ACTL8: variants seen among roughly 807,000 people sequenced by gnomAD.
ACTL8 encodes actin like 8.
In ACTL8, 3 loss-of-function variants were observed where a neutral mutation model predicts 9.3. The observed-to-expected ratio is 0.32, with a 90% CI of 0.15 to 0.83. The LOEUF is 0.83. Among genes scored for constraint, ACTL8 ranks in the 40% least tolerant of loss-of-function variants. The pLI, the probability that ACTL8 is intolerant of heterozygous loss-of-function variation, is 0.57. For synonymous variants in ACTL8, 224 were observed against 205.9 expected (o/e 1.09, Z -0.75); for missense variants, 381 against 492.2 (o/e 0.77, Z 2.14).
At chr1:17,761,354 T>C (rs1337186588) in intron 1 of ACTL8, among the ~76,000 whole-genome samples, 1 of 152,054 alleles carries the variant, frequency 6.6e-6, no homozygotes, top group African/African-American at 2.4e-5. Flanking sequence ...AATGCATGTT[T>C]CTGCTTTACC....
chr1:17,798,775 T>C (rs911603417), intron 1 of ACTL8, among the ~76,000 whole-genome samples: 9 of 152,350 alleles, frequency 5.9e-5, no homozygotes, highest in South Asian at 2.1e-4. Flanking sequence ...AAGTCTTTCC[T>C]TCTCCATTCC....
At chr1:17,776,206 A>G (rs2066117146) in intron 1 of ACTL8, among the ~76,000 whole-genome samples, 1 of 152,200 alleles carries the variant, frequency 6.6e-6, no homozygotes, top group Non-Finnish European at 1.5e-5. Context: ...CGAAGGTCCT[A>G]GGCAGGATGG....
chr1:17,756,643 T>C (rs147970109), intron 1 of ACTL8, among the ~76,000 whole-genome samples: 1 of 152,234 alleles, frequency 6.6e-6, no homozygotes, highest in African/African-American at 2.4e-5. Context: ...ACAGAATTGG[T>C]GTCAGGAATA....
At position 17,823,228 on chromosome 1, in the gene ACTL8, A is replaced by G; in HGVS notation, c.220A>G (p.Asn74Asp). 6.2e-7 allele frequency: 1 copy of G among 1,614,084 alleles called. No individual in the cohort carries two copies. Among genetic ancestry groups the G allele is most frequent in the Non-Finnish European group, 8.5e-7 (1 of 1,180,024 alleles). The change falls in exon 2 of 3, where the codon AAC becomes GAC. Residue 74 changes from asparagine (N) to aspartate (D), a missense_variant. Coordinates refer to ENST00000375406, the MANE Select transcript of ACTL8 (RefSeq NM_030812.3). The surrounding 1 kb of genome is among the most constrained non-coding windows in gnomAD (Gnocchi z 5.3). ...SYPIERGRIL[N>D]WEGVQYLWSF... ...CCCCATCGAGCGGGGCCGCATCCTC[A>G]ACTGGGAGGGTGTGCAGTACCTCTG...
chr1:17,789,044 C>G (rs965814855), intron 1 of ACTL8, among the ~76,000 whole-genome samples: 1 of 152,180 alleles, frequency 6.6e-6, no homozygotes, highest in Admixed American at 6.5e-5. Context: ...TTTATGTTCT[C>G]ATTTCTTCCT....
intron 1 of ACTL8, among the ~76,000 whole-genome samples, chr1:17,811,682 A>G (rs480231): frequency 0.49 from 74,495 of 152,022 alleles, 18,801 homozygotes; most frequent in East Asian, 0.75. Context: ...TACACGGAGA[A>G]GTCCAGTTTT....
intron 1 of ACTL8, among the ~76,000 whole-genome samples, chr1:17,783,609 T>C (rs76104530): frequency 0.028 from 4,216 of 152,322 alleles, 157 homozygotes; most frequent in African/African-American, 0.084. Flanking sequence ...GGCCTCCTTG[T>C]GTGTCCCTGA....
chr1:17,820,581 T>C (rs918876082), intron 1 of ACTL8, among the ~76,000 whole-genome samples: 2 of 151,692 alleles, frequency 1.3e-5, no homozygotes, highest in African/African-American at 4.9e-5. Context: ...TTTTTTTTTT[T>C]TTTGAGATGG....
At chr1:17,783,346 TG>T (rs1195709335) in intron 1 of ACTL8, among the ~76,000 whole-genome samples, 32 of 133,524 alleles carry the variant, frequency 2.4e-4, no homozygotes, top group African/African-American at 7.7e-4. Context: ...TTTTTTTTTT[TG>T]TTTTGTTTTT....
chr1:17,790,688 G>T (rs2066232349), intron 1 of ACTL8, among the ~76,000 whole-genome samples: 1 of 152,224 alleles, frequency 6.6e-6, no homozygotes, highest in Admixed American at 6.5e-5. Flanking sequence ...TGAAGGTGGG[G>T]CCTCACCAGG....
intron 1 of ACTL8, among the ~76,000 whole-genome samples, chr1:17,804,912 G>A (rs2066347925): frequency 6.6e-6 from 1 of 152,064 alleles, no homozygotes; most frequent in South Asian, 2.1e-4. Context: ...ACTGTGCCCG[G>A]CAGTCCTCAT....
At chr1:17,766,206 A>G (rs1024862197) in intron 1 of ACTL8, among the ~76,000 whole-genome samples, 1 of 152,156 alleles carries the variant, frequency 6.6e-6, no homozygotes, top group Non-Finnish European at 1.5e-5. Context: ...TGCTTTGCAA[A>G]TGTAGTGACT....
rs951944501 is a variant in ACTL8 at position 17,767,378 on chromosome 1, G to C, written c.-25+11874G>C. ...GTGTGGGGGCCGTCCCTGTGGTACA[G>C]GGGTGAGACGATGCTGGCAACTTAG... On this transcript the variant is annotated intron_variant, in intron 1 of 2. Transcript: ENST00000375406. This position sits in a 1 kb window ranked among gnomAD's most constrained non-coding sequence, Gnocchi z 4.7. Among the ~76,000 whole-genome samples, 1 of 152,184 alleles carries C rather than the reference G, an allele frequency of 6.6e-6. No individual in the cohort carries two copies. The highest frequency in any genetic ancestry group is 1.5e-5 in the Non-Finnish European group (1 of 68,010).
At chr1:17,774,869 C>T (rs1484682904) in intron 1 of ACTL8, among the ~76,000 whole-genome samples, 2 of 152,190 alleles carry the variant, frequency 1.3e-5, no homozygotes, top group East Asian at 3.9e-4. Context: ...TCTACGTCTC[C>T]CAGGAGATGA....
At chr1:17,803,019 T>G (rs1030383704) in intron 1 of ACTL8, among the ~76,000 whole-genome samples, 1 of 152,180 alleles carries the variant, frequency 6.6e-6, no homozygotes, top group Non-Finnish European at 1.5e-5. Context: ...TGATATCTGC[T>G]GCTATGGTTT....
intron 1 of ACTL8, among the ~76,000 whole-genome samples, chr1:17,802,632 CTT>C (rs2066329905): frequency 6.6e-6 from 1 of 152,112 alleles, no homozygotes; most frequent in Admixed American, 6.5e-5. Context: ...ACCATATTGT[CTT>C]TAACTCTTAG....
At chr1:17,762,393 G>A (rs1010241656) in intron 1 of ACTL8, among the ~76,000 whole-genome samples, 2 of 151,988 alleles carry the variant, frequency 1.3e-5, no homozygotes, top group African/African-American at 4.8e-5. Flanking sequence ...CACAGACCAG[G>A]CCCCACCCCC....
At chr1:17,762,920 C>T (rs1055938867) in intron 1 of ACTL8, among the ~76,000 whole-genome samples, 2 of 152,042 alleles carry the variant, frequency 1.3e-5, no homozygotes, top group African/African-American at 4.8e-5. Context: ...GTGGGGCCCG[C>T]GCAATAATGG....
intron 1 of ACTL8, among the ~76,000 whole-genome samples, chr1:17,790,229 C>G (rs1426645150): frequency 6.6e-6 from 1 of 152,246 alleles, no homozygotes; most frequent in Non-Finnish European, 1.5e-5. Context: ...GTGAGGGAGT[C>G]ACAGCCCTGG....
Sources: allele counts gnomAD v4.1 joint callset (sites outside exome capture counted in the v4.1 genomes callset), GRCh38; gene constraint gnomAD v4.1.1; non-coding constraint Gnocchi (gnomAD v3.1); transcripts MANE v1.5; gene names NCBI Gene and HGNC (gene_info 2026-07-23, HGNC 2026-07-21).